The following COL19A1 variants were observed in gnomAD, a reference collection of about 807,000 sequenced individuals.
COL19A1 encodes the protein collagen type XIX alpha 1 chain, also known as collagen alpha-1(XIX) chain.
Under a neutral mutation model 190.2 loss-of-function variants are expected in COL19A1, and 159 were observed. That is an observed-to-expected ratio of 0.84 (90% CI 0.73 to 0.95). COL19A1 has a LOEUF of 0.95. COL19A1 is among the 40% of genes least tolerant of loss of function. The probability of loss-of-function intolerance (pLI) is 0.00; values close to 1 mark genes in which losing one functional copy is unlikely to be tolerated. For synonymous variants in COL19A1, 509 were observed against 458.9 expected, an observed-to-expected ratio of 1.11 and a Z score of -1.39; for missense variants, 1,418 against 1,431.9, an observed-to-expected ratio of 0.99 and a Z score of 0.16.
rs1765528033 is a variant in COL19A1, at chr6:70,172,009, G to C, written c.2614G>C (p.Gly872Arg). 2.5e-6 allele frequency: 4 copies of C among 1,610,620 alleles called. No individual in the cohort carries two copies. The highest frequency in any genetic ancestry group is 3.4e-6 in the Non-Finnish European group (4 of 1,178,984). Residue 872 changes from glycine (G) to arginine (R), a missense_variant, in exon 41 of 51, where the codon GGT becomes CGT. Transcript: ENST00000620364. ...GTTGCCAGGATTAGAAGGATTTCCA[G>C]GTGTAAAGGTAAGCACAGAAGTTAG... ...MGLPGLEGFP[G>R]VKGDRGPAGP...
intron 4 of COL19A1, among the ~76,000 whole-genome samples, chr6:69,923,472 CTTTA>C (rs1772135549): frequency 6.6e-6 from 1 of 152,116 alleles, no homozygotes; most frequent in Non-Finnish European, 1.5e-5. Context: ...CTTAGTTGGT[CTTTA>C]TTTGACCTGA....
At chr6:69,912,594 C>T (rs571058958) in intron 4 of COL19A1, among the ~76,000 whole-genome samples, 1 of 152,310 alleles carries the variant, frequency 6.6e-6, no homozygotes, top group South Asian at 2.1e-4. Context: ...TCTTGGCCCA[C>T]AGGTGCCAGA....
At chr6:69,960,674 G>A (rs1774732139) in intron 10 of COL19A1, among the ~76,000 whole-genome samples, 1 of 140,930 alleles carries the variant, frequency 7.1e-6, no homozygotes, top group Non-Finnish European at 1.5e-5. Context: ...CTGTCTCCCA[G>A]GCTGGAGTGC....
At chr6:69,921,128 G>A (rs1320293593) in intron 4 of COL19A1, among the ~76,000 whole-genome samples, 29 of 108,446 alleles carry the variant, frequency 2.7e-4, no homozygotes, top group African/African-American at 9.5e-4. Flanking sequence ...TATCACATAT[G>A]TATCACATAT....
intron 24 of COL19A1, 120 bp from the exon 25 acceptor site, chr6:70,144,798 A>C: frequency 1.5e-6 from 1 of 686,444 alleles, no homozygotes; most frequent in South Asian, 1.6e-5. Context: ...TGAGTGAGTG[A>C]GTGAATGAAT....
intron 10 of COL19A1, among the ~76,000 whole-genome samples, chr6:69,960,358 G>C (rs1274561380): frequency 3.3e-5 from 5 of 152,118 alleles, no homozygotes; most frequent in Non-Finnish European, 7.4e-5. Flanking sequence ...ATGTAAAATA[G>C]AACAAACTGT....
chr6:69,995,972 T>G (rs1319085086), intron 11 of COL19A1, among the ~76,000 whole-genome samples: 1 of 152,172 alleles, frequency 6.6e-6, no homozygotes, highest in Non-Finnish European at 1.5e-5. Flanking sequence ...ACATAGCAAG[T>G]AGGTTTTTAT....
chr6:69,951,252 G>A (rs1265057641), intron 9 of COL19A1, among the ~76,000 whole-genome samples: 1 of 151,828 alleles, frequency 6.6e-6, no homozygotes, highest in African/African-American at 2.4e-5. Flanking sequence ...CTCTCTAAAT[G>A]TCAGTTTTCT....
Position 70,186,109 on chromosome 6 carries a change from T to C in COL19A1, c.2856+1194T>C, listed in dbSNP as rs541897894. Among the ~76,000 whole-genome samples, 41 of 152,286 alleles carry C rather than the reference T, an allele frequency of 2.7e-4. No individual in the cohort carries two copies. The East Asian group carries it at 7.1e-3, about 26-fold the overall frequency. On this transcript the variant is annotated intron_variant, in intron 46 of 50. Coordinates refer to ENST00000620364, the MANE Select transcript of COL19A1 (RefSeq NM_001858.6). ...ATTGATCTTTTCTTGTCTGTAAATATAGATCTATATCTACCTTTTAATTGC... is the reference window on the plus strand; with the variant it reads ...ATTGATCTTTTCTTGTCTGTAAATACAGATCTATATCTACCTTTTAATTGC...
intron 1 of COL19A1, among the ~76,000 whole-genome samples, chr6:69,873,747 G>A (rs2487436): frequency 0.12 from 17,846 of 152,010 alleles, 1,187 homozygotes; most frequent in Middle Eastern, 0.16. Flanking sequence ...GTGACATTGG[G>A]GATTAAGTTT....
At chr6:69,889,547 C>T (rs542071315) in intron 2 of COL19A1, among the ~76,000 whole-genome samples, 4 of 151,062 alleles carry the variant, frequency 2.6e-5, no homozygotes, top group South Asian at 2.1e-4. Flanking sequence ...CACTAATCTG[C>T]GCTCTATGTC....
At chr6:70,106,821 A>G (rs375080222) in intron 16 of COL19A1, among the ~76,000 whole-genome samples, 1 of 152,300 alleles carries the variant, frequency 6.6e-6, no homozygotes, top group Non-Finnish European at 1.5e-5. Flanking sequence ...TTACATAGAG[A>G]TCTCTTGGAT....
At chr6:70,106,329 CGT>C (rs55854953) in intron 16 of COL19A1, among the ~76,000 whole-genome samples, 31,190 of 149,216 alleles carry the variant, frequency 0.21, 3,234 homozygotes, top group Non-Finnish European at 0.23. Context: ...TAAGTGTGTG[CGT>C]GTGTGTGTGT....
At chr6:69,944,797 A>C (rs1485356546) in intron 9 of COL19A1, among the ~76,000 whole-genome samples, 1 of 151,974 alleles carries the variant, frequency 6.6e-6, no homozygotes, top group Non-Finnish European at 1.5e-5. Context: ...TACTGCTTGT[A>C]TTTAATTATC....
At chr6:69,952,085 C>A (rs1774159116) in intron 9 of COL19A1, among the ~76,000 whole-genome samples, 1 of 151,830 alleles carries the variant, frequency 6.6e-6, no homozygotes, top group African/African-American at 2.4e-5. Flanking sequence ...ATCCAAGGAC[C>A]CCTTTTAAAC....
chr6:69,921,277 C>CATATATCATATATCAT (rs753427230), intron 4 of COL19A1, among the ~76,000 whole-genome samples: 1 of 124,226 alleles, frequency 8.0e-6, no homozygotes, highest in Non-Finnish European at 1.6e-5. Context: ...TCATATATAT[C>CATATATCATATATCAT]ATATATCATA....
intron 2 of COL19A1, among the ~76,000 whole-genome samples, chr6:69,884,392 G>C (rs932363828): frequency 6.6e-6 from 1 of 150,644 alleles, no homozygotes; most frequent in East Asian, 1.9e-4. Flanking sequence ...TTTAACAAAA[G>C]ATGTGATGTT....
intron 14 of COL19A1, among the ~76,000 whole-genome samples, chr6:70,051,302 A>G (rs1358206433): frequency 6.6e-6 from 1 of 152,154 alleles, no homozygotes; most frequent in Non-Finnish European, 1.5e-5. Flanking sequence ...AAGATATGAG[A>G]TTTTACCCAA....
At chr6:69,947,237 CTAT>C (rs1261429877) in intron 9 of COL19A1, among the ~76,000 whole-genome samples, 1 of 151,828 alleles carries the variant, frequency 6.6e-6, no homozygotes, top group Non-Finnish European at 1.5e-5. Flanking sequence ...ATAAGACATA[CTAT>C]AATTAAAAAT....
Sources: gnomAD v4.1 joint callset for allele counts (sites outside exome capture counted in the v4.1 genomes callset) on GRCh38, gnomAD v4.1.1 for gene constraint, MANE v1.5 for transcripts, NCBI Gene and HGNC (gene_info 2026-07-23, HGNC 2026-07-21) for gene names.